AFF4: variants seen among roughly 807,000 people sequenced by gnomAD.
The protein encoded by AFF4 is AF4/FMR2 family member 4.
Under a neutral mutation model 124.8 loss-of-function variants are expected in AFF4, and 13 were observed. The ratio of observed to expected loss-of-function variants is 0.10; its 90% CI spans 0.07 to 0.17. The LOEUF is 0.17. Ranked by LOEUF, AFF4 falls within the 10% of genes least tolerant of loss-of-function variation. AFF4 has a pLI of 1.00. For synonymous variants in AFF4, 477 were observed against 496.1 expected (o/e 0.96, Z 0.51); for missense variants, 1,092 against 1,403.8 (o/e 0.78, Z 3.55).
intron 5 of AFF4, among the ~76,000 whole-genome samples, chr5:132,919,541 A>G (rs1207301995): frequency 6.6e-6 from 1 of 152,104 alleles, no homozygotes; most frequent in Admixed American, 6.6e-5. Flanking sequence ...TAAATGTAAA[A>G]CCTAAAACTA....
At position 132,892,095 on chromosome 5, in the gene AFF4, G is replaced by A. The variant is rs758370011; in HGVS notation, c.2637+69C>T. 11 of 1,609,570 alleles carry A rather than the reference G, an allele frequency of 6.8e-6. No individual in the cohort carries two copies. The Admixed American group carries it at 1.0e-4, about 15-fold the overall frequency. On this transcript the variant is annotated intron_variant, in intron 13 of 20. Coordinates refer to ENST00000265343, the MANE Select transcript of AFF4 (RefSeq NM_014423.4). ...GATGTTACAATAATTTCAAAGCACA[G>A]TGTCACCCTGGAAAAGTCACATGGC...
At chr5:132,897,350 A>G in intron 10 of AFF4, 110 bp from the exon 11 acceptor site, 2 of 1,140,216 alleles carry the variant, frequency 1.8e-6, no homozygotes, top group Non-Finnish European at 2.5e-6. Flanking sequence ...AATGCAACAA[A>G]AGCAAATGGT....
At chr5:132,900,284 C>A (rs775823765) in intron 7 of AFF4, among the ~76,000 whole-genome samples, 1 of 152,080 alleles carries the variant, frequency 6.6e-6, no homozygotes, top group Non-Finnish European at 1.5e-5. Context: ...TGGCTGGGTG[C>A]GGTGGCTCAT....
At chr5:132,902,580 A>T in intron 6 of AFF4, 93 bp from the exon 7 acceptor site, 1 of 983,652 alleles carries the variant, frequency 1.0e-6, no homozygotes, top group Non-Finnish European at 1.6e-6. Flanking sequence ...TGTAAATCAA[A>T]CAATGAAATA....
In AFF4 at chr5:132,885,138, G is replaced by A; in HGVS notation, c.3100-19C>T. On this transcript the variant is annotated intron_variant, in intron 18 of 20. Coordinates refer to ENST00000265343, the MANE Select transcript of AFF4 (RefSeq NM_014423.4). ...AAGAATTCTGTGGAAAAAGTAAAAT[G>A]TACTTAACAACAACAAAAACCACCA... is the stretch of plus-strand genomic sequence containing the variant. The A allele has an allele frequency of 6.3e-7, 1 of 1,578,944 alleles. No homozygotes were observed. Among genetic ancestry groups the A allele is most frequent in the Non-Finnish European group, 8.6e-7 (1 of 1,160,292 alleles).
At chr5:132,909,624 A>G (rs1012992522) in intron 5 of AFF4, among the ~76,000 whole-genome samples, 1 of 152,228 alleles carries the variant, frequency 6.6e-6, no homozygotes. Context: ...AACTGATATC[A>G]TGAAACAATT....
At chr5:132,960,037 A>G (rs7714274) in intron 1 of AFF4, among the ~76,000 whole-genome samples, 57,581 of 151,816 alleles carry the variant, frequency 0.38, 11,540 homozygotes, top group African/African-American at 0.5. Context: ...TTACAGGCAT[A>G]AGCCACTGCG....
intron 12 of AFF4, among the ~76,000 whole-genome samples, chr5:132,892,685 T>C (rs1005842680): frequency 1.3e-5 from 2 of 152,144 alleles, no homozygotes; most frequent in African/African-American, 4.8e-5. Flanking sequence ...TGATGAATGG[T>C]GAATGAAGAG....
chr5:132,886,093 A>G (rs552599848), intron 18 of AFF4, among the ~76,000 whole-genome samples: 1 of 152,344 alleles, frequency 6.6e-6, no homozygotes, highest in East Asian at 1.9e-4. Context: ...ATCATTTAAA[A>G]AGTAAATACA....
At chr5:132,886,972 A>G (rs891714428) in intron 17 of AFF4, among the ~76,000 whole-genome samples, 1 of 152,154 alleles carries the variant, frequency 6.6e-6, no homozygotes, top group African/African-American at 2.4e-5. Flanking sequence ...TTTTCTTTCA[A>G]AATACTTAAT....
chr5:132,889,532 T>G (rs914721312), intron 13 of AFF4, among the ~76,000 whole-genome samples: 1 of 152,236 alleles, frequency 6.6e-6, no homozygotes, highest in African/African-American at 2.4e-5. Context: ...ATAATATTAA[T>G]AGCATCTAAT....
chr5:132,892,519 T>C (rs1161609075), intron 12 of AFF4, 115 bp from the exon 13 acceptor site: 11 of 1,387,438 alleles, frequency 7.9e-6, no homozygotes, highest in Non-Finnish European at 1.1e-5. Flanking sequence ...ATTTGATTAC[T>C]AGGACACATG....
intron 7 of AFF4, among the ~76,000 whole-genome samples, chr5:132,900,082 T>C (rs768258459): frequency 2.6e-5 from 4 of 152,132 alleles, no homozygotes; most frequent in Non-Finnish European, 4.4e-5. Context: ...CCATGTTCCA[T>C]AAAGAGAGGT....
chr5:132,904,538 G>T, intron 5 of AFF4, 134 bp from the exon 6 acceptor site: 1 of 757,818 alleles, frequency 1.3e-6, no homozygotes, highest in Non-Finnish European at 2.1e-6. Flanking sequence ...TGTCTGATCA[G>T]CCTTGGCAAT....
chr5:132,896,227 C>T (rs899105840), intron 11 of AFF4, 96 bp downstream of exon 11: 14 of 1,432,824 alleles, frequency 9.8e-6, no homozygotes, highest in Non-Finnish European at 1.2e-5. Context: ...TCCTTCACAG[C>T]TTATGACCCA....
chr5:132,881,436 C>T (rs1759975669), intron 20 of AFF4, among the ~76,000 whole-genome samples: 1 of 152,042 alleles, frequency 6.6e-6, no homozygotes, highest in Non-Finnish European at 1.5e-5. Context: ...AGCAGGATTC[C>T]ATGAATGGAA....
chr5:132,937,743 A>G (rs1362704982), intron 1 of AFF4: 1 of 152,194 alleles, frequency 6.6e-6, no homozygotes, highest in Non-Finnish European at 1.5e-5. Context: ...TAGATTCCCT[A>G]AAAAACGACA....
At chr5:132,951,410 T>TA (rs920397796) in intron 1 of AFF4, among the ~76,000 whole-genome samples, 1 of 152,176 alleles carries the variant, frequency 6.6e-6, no homozygotes, top group Admixed American at 6.5e-5. Context: ...ATAAAAGCAT[T>TA]ACCAACATAG....
intron 5 of AFF4, among the ~76,000 whole-genome samples, chr5:132,923,327 G>C (rs1344911901): frequency 6.6e-6 from 1 of 151,882 alleles, no homozygotes; most frequent in Non-Finnish European, 1.5e-5. Flanking sequence ...CTGCGGCCTG[G>C]ATGACAAAGT....
Sources: gnomAD v4.1 joint callset for allele counts (sites outside exome capture counted in the v4.1 genomes callset) on GRCh38, gnomAD v4.1.1 for gene constraint, MANE v1.5 for transcripts, NCBI Gene and HGNC (gene_info 2026-07-23, HGNC 2026-07-21) for gene names.